APBA2: variants seen among roughly 807,000 people sequenced by gnomAD.
APBA2 encodes the protein amyloid beta precursor protein binding family A member 2.
Under a neutral mutation model 75.0 loss-of-function variants are expected in APBA2, and 30 were observed. That is an observed-to-expected ratio of 0.40 (90% CI 0.30 to 0.54). The LOEUF (loss-of-function observed/expected upper bound fraction) is 0.54. Among genes scored for constraint, APBA2 ranks in the 20% least tolerant of loss-of-function variants. The pLI, the probability that APBA2 is intolerant of heterozygous loss-of-function variation, is 0.49. For synonymous variants in APBA2, 444 were observed against 409.6 expected, an observed-to-expected ratio of 1.08 and a Z score of -1.01; for missense variants, 801 against 1,016.1, an observed-to-expected ratio of 0.79 and a Z score of 2.88.
At chr15:29,114,767 T>C (rs2152985297) in intron 14 of APBA2, among the ~76,000 whole-genome samples, 1 of 134,702 alleles carries the variant, frequency 7.4e-6, no homozygotes, top group Non-Finnish European at 1.5e-5. Context: ...TGTGTGAATG[T>C]ACCTGAGTGT....
At position 28,918,574 on chromosome 15, in the gene APBA2, C is replaced by T. The variant is rs570362690; in HGVS notation, c.-204-3066C>T. 7.6e-4 allele frequency among the ~76,000 whole-genome samples: 78 copies of T among 102,050 alleles called. No individual in the cohort carries two copies. Among genetic ancestry groups the T allele is most frequent in the Non-Finnish European group, 1.2e-3 (67 of 53,836 alleles). 66.9% of individuals were successfully genotyped at this position (102,050 alleles called of 152,430 possible). A position where few individuals can be genotyped will look rare whatever the true frequency, so the allele number is the denominator to read the frequency against. ...GCGTCCGCGTCATTGTGGGAACACT[C>T]GGGCGGGATGTATTTTAAAGGAGTG... On this transcript the variant is annotated intron_variant, in intron 1 of 14. Transcript: ENST00000683413. The surrounding 1 kb of genome is among the most constrained non-coding windows in gnomAD (Gnocchi z 4.2).
intron 7 of APBA2, among the ~76,000 whole-genome samples, chr15:29,093,874 A>C (rs2043711082): frequency 6.6e-6 from 1 of 152,160 alleles, no homozygotes; most frequent in African/African-American, 2.4e-5. Flanking sequence ...GAGAAGCACC[A>C]TGAGGCCATC....
intron 13 of APBA2, among the ~76,000 whole-genome samples, chr15:29,113,604 G>A (rs1311788033): frequency 1.3e-5 from 2 of 152,198 alleles, no homozygotes; most frequent in Non-Finnish European, 2.9e-5. Context: ...ACCACAAAGG[G>A]AGCGGCCCTG....
At chr15:29,114,955 CTG>C (rs1461761716) in intron 14 of APBA2, among the ~76,000 whole-genome samples, 39 of 149,200 alleles carry the variant, frequency 2.6e-4, no homozygotes, top group African/African-American at 6.2e-4. Context: ...GGCTGTGGGT[CTG>C]TGAGTGGGTG....
chr15:29,047,792 A>G (rs1055711959), intron 3 of APBA2, among the ~76,000 whole-genome samples: 4 of 152,242 alleles, frequency 2.6e-5, no homozygotes, highest in African/African-American at 4.8e-5. Context: ...AACTATTAGG[A>G]TTTAAAAATA....
intron 2 of APBA2, among the ~76,000 whole-genome samples, chr15:28,938,832 C>A (rs1305815930): frequency 1.3e-5 from 2 of 152,148 alleles, no homozygotes; most frequent in Non-Finnish European, 2.9e-5. Context: ...TTAATATAAG[C>A]ATATACATTA....
chr15:28,900,939 G>A (rs1403546042), intron 1 of APBA2, among the ~76,000 whole-genome samples: 1 of 152,062 alleles, frequency 6.6e-6, no homozygotes, highest in Non-Finnish European at 1.5e-5. Flanking sequence ...CCCTGGCTGG[G>A]GCTGACCCCT....
chr15:28,927,182 G>A (rs2034314308), intron 2 of APBA2, among the ~76,000 whole-genome samples: 2 of 151,822 alleles, frequency 1.3e-5, no homozygotes, highest in Admixed American at 1.3e-4. Flanking sequence ...TTCCTTTACT[G>A]GTTTCTGATG....
intron 6 of APBA2, among the ~76,000 whole-genome samples, chr15:29,092,487 T>C (rs1170089919): frequency 1.3e-5 from 2 of 152,304 alleles, no homozygotes; most frequent in Admixed American, 1.3e-4. Context: ...ACTGCAGAGA[T>C]AGAACCTTCC....
At chr15:29,113,114 C>A (rs1319360614) in intron 13 of APBA2, among the ~76,000 whole-genome samples, 1 of 152,134 alleles carries the variant, frequency 6.6e-6, no homozygotes, top group Non-Finnish European at 1.5e-5. Flanking sequence ...CTGTCACCCT[C>A]GGCTGTTGTG....
intron 1 of APBA2, among the ~76,000 whole-genome samples, chr15:28,919,105 C>T (rs2033832830): frequency 6.6e-6 from 1 of 152,172 alleles, no homozygotes; most frequent in Non-Finnish European, 1.5e-5. Flanking sequence ...CGTGATCCGC[C>T]CACCTAGGCC....
intron 3 of APBA2, among the ~76,000 whole-genome samples, chr15:29,019,260 C>G (rs1436372198): frequency 6.6e-6 from 1 of 152,316 alleles, no homozygotes; most frequent in South Asian, 2.1e-4. Context: ...CACGGCCATT[C>G]TTCGAAGGAG....
intron 1 of APBA2, among the ~76,000 whole-genome samples, chr15:28,916,151 G>C (rs1470832930): frequency 6.6e-6 from 1 of 152,344 alleles, no homozygotes; most frequent in Non-Finnish European, 1.5e-5. Context: ...CCTGTGTTTT[G>C]GGTGTCTCTG....
At chr15:29,074,006 T>G (rs941140728) in intron 4 of APBA2, among the ~76,000 whole-genome samples, 5 of 152,274 alleles carry the variant, frequency 3.3e-5, no homozygotes, top group African/African-American at 1.2e-4. Context: ...TTAGGTTTTT[T>G]AAAAATATGG....
intron 3 of APBA2, among the ~76,000 whole-genome samples, chr15:29,005,157 C>T (rs991846005): frequency 6.6e-5 from 10 of 152,314 alleles, no homozygotes; most frequent in African/African-American, 1.4e-4. Context: ...AGACTTGCAT[C>T]GGAATTCTGC....
intron 1 of APBA2, among the ~76,000 whole-genome samples, chr15:28,904,003 CAAA>C (rs2033009842): frequency 6.6e-6 from 1 of 152,140 alleles, no homozygotes; most frequent in African/African-American, 2.4e-5. Context: ...TTCTGTATGT[CAAA>C]AAGTGATCCA....
At position 29,054,927 on chromosome 15, in the gene APBA2, G is replaced by T; in HGVS notation, c.951+92G>T. ...GCCTTGCAGATGCTGAAGCGAGGCG[G>T]TGGGGGGTGCTGGGTGCCTCACAGT... On this transcript the variant is annotated intron_variant, in intron 4 of 14. Transcript: ENST00000683413. The surrounding 1 kb of genome is among the most constrained non-coding windows in gnomAD (Gnocchi z 6.1). 1 of 1,277,918 alleles carries T rather than the reference G, an allele frequency of 7.8e-7. No homozygotes were observed. The highest frequency in any genetic ancestry group is 2.4e-4 in the Middle Eastern group (1 of 4,150). The allele number at this position is 1,277,918 out of a possible 1,614,324, so 79.2% of individuals were successfully genotyped here.
At chr15:28,948,422 G>A (rs1002841751) in intron 2 of APBA2, among the ~76,000 whole-genome samples, 3 of 152,124 alleles carry the variant, frequency 2.0e-5, no homozygotes, top group African/African-American at 7.2e-5. Context: ...TGAGACTGAG[G>A]TAAAGTCCCC....
At chr15:28,951,490 C>T (rs1429414235) in intron 2 of APBA2, among the ~76,000 whole-genome samples, 2 of 152,164 alleles carry the variant, frequency 1.3e-5, no homozygotes, top group Non-Finnish European at 2.9e-5. Context: ...TTCTTGTCAC[C>T]GAGGTACATT....
Sources: allele counts gnomAD v4.1 joint callset (sites outside exome capture counted in the v4.1 genomes callset), GRCh38; gene constraint gnomAD v4.1.1; non-coding constraint Gnocchi (gnomAD v3.1); transcripts MANE v1.5; gene names NCBI Gene and HGNC (gene_info 2026-07-23, HGNC 2026-07-21).